Variants in GNA14 observed in about 807,000 individuals in gnomAD.
GNA14 encodes G protein subunit alpha 14.
GNA14 carries 50 observed loss-of-function variants against 42.0 expected under a neutral mutation model. That is an observed-to-expected ratio of 1.19 (90% CI 0.95 to 1.51). The LOEUF is 1.51. Ranked by LOEUF, GNA14 falls within the 40% of genes most tolerant of loss-of-function variation. The probability of loss-of-function intolerance (pLI) is 0.00; values close to 1 mark genes in which losing one functional copy is unlikely to be tolerated. For synonymous variants in GNA14, 173 were observed against 163.1 expected (o/e 1.06, Z -0.46); for missense variants, 473 against 446.2 (o/e 1.06, Z -0.54).
chr9:77,447,449 G>A (rs1835839692), intron 2 of GNA14, among the ~76,000 whole-genome samples: 1 of 152,190 alleles, frequency 6.6e-6, no homozygotes, highest in African/African-American at 2.4e-5. Context: ...CACCAGACAG[G>A]AGGCTGTTAG....
intron 2 of GNA14, among the ~76,000 whole-genome samples, chr9:77,468,261 T>C (rs1325095248): frequency 1.3e-5 from 2 of 152,214 alleles, no homozygotes; most frequent in Admixed American, 1.3e-4. Context: ...TTTTCTTGAA[T>C]AAATGTTTTT....
At chr9:77,481,919 C>CTT (rs1187292228) in intron 2 of GNA14, among the ~76,000 whole-genome samples, 2 of 151,254 alleles carry the variant, frequency 1.3e-5, no homozygotes, top group South Asian at 4.2e-4. Flanking sequence ...TTCCTCCATC[C>CTT]TTTTTTTTTG....
In GNA14 at chr9:77,612,460, T is replaced by C. The variant is rs112845958; in HGVS notation, c.124+35210A>G. On this transcript the variant is annotated intron_variant, in intron 1 of 6. Transcript: ENST00000341700. The stretch of plus-strand genomic sequence containing the variant: ...CCAAACACTTCTCTCAGGGCTCTCA[T>C]GCTCTGTGAGTCTACAATCAGGCAA... Among the ~76,000 whole-genome samples the C allele has an allele frequency of 8.4e-3, 1,279 of 152,270 alleles. 3 individuals are homozygous for C. Among genetic ancestry groups the C allele is most frequent in the African/African-American group, 0.015 (637 of 41,554 alleles).
intron 2 of GNA14, among the ~76,000 whole-genome samples, chr9:77,526,339 T>C (rs747571968): frequency 1.3e-5 from 2 of 152,166 alleles, no homozygotes; most frequent in East Asian, 1.9e-4. Context: ...GACATGAATC[T>C]TGGGGAGCCA....
chr9:77,529,797 C>T lies in GNA14; in HGVS notation c.125-544G>A, dbSNP rs946164545. 3.9e-5 allele frequency among the ~76,000 whole-genome samples: 6 copies of T among 152,124 alleles called. No individual in the cohort carries two copies. The East Asian group carries it at 7.7e-4, about 20-fold the overall frequency. ...CAAAACTCACAACACTTGCACATGG[C>T]GGCCAAGGAACGTGTTACAGTATGA... On this transcript the variant is annotated intron_variant, in intron 1 of 6. Coordinates refer to ENST00000341700, the MANE Select transcript of GNA14 (RefSeq NM_004297.4).
rs1172872010 is a variant in GNA14 at position 77,493,026 on chromosome 9, A to AATATAT, written c.309+36037_309+36042dup. 3.2e-3 allele frequency among the ~76,000 whole-genome samples: 163 copies of AATATAT among 51,676 alleles called. 3 individuals carry two copies. Among genetic ancestry groups the AATATAT allele is most frequent in the Middle Eastern group, 0.012 (1 of 86 alleles). 33.9% of individuals were successfully genotyped at this position (51,676 alleles called of 152,430 possible). On this transcript the variant is annotated intron_variant, in intron 2 of 6. Coordinates refer to ENST00000341700, the MANE Select transcript of GNA14 (RefSeq NM_004297.4). Reference sequence around the variant, plus strand: ...AGGAAAAAAAAAAAAAAAAAAAAAAAATATATATATATATATATATTTGGG... The same window carrying AATATAT: ...AGGAAAAAAAAAAAAAAAAAAAAAAAATATATATATATATATATATATATATTTGGG...
intron 1 of GNA14, among the ~76,000 whole-genome samples, chr9:77,543,841 G>A (rs1178425840): frequency 1.3e-5 from 2 of 152,058 alleles, no homozygotes; most frequent in Non-Finnish European, 2.9e-5. Flanking sequence ...CCTCTCCATG[G>A]AAGAGGTGTG....
chr9:77,522,057 G>C (rs767120810), intron 2 of GNA14, among the ~76,000 whole-genome samples: 1 of 152,110 alleles, frequency 6.6e-6, no homozygotes, highest in Non-Finnish European at 1.5e-5. Flanking sequence ...GGCTGGTCTC[G>C]AATTCCTGAC....
chr9:77,519,074 C>T (rs562612701), intron 2 of GNA14, among the ~76,000 whole-genome samples: 1 of 152,288 alleles, frequency 6.6e-6, no homozygotes, highest in South Asian at 2.1e-4. Context: ...GTCTTAGCTT[C>T]TAATGAATAT....
At chr9:77,575,574 G>A (rs897939933) in intron 1 of GNA14, among the ~76,000 whole-genome samples, 2 of 152,086 alleles carry the variant, frequency 1.3e-5, no homozygotes, top group South Asian at 4.1e-4. Context: ...ACTGATATCG[G>A]TCTCCTATTT....
intron 2 of GNA14, among the ~76,000 whole-genome samples, chr9:77,489,217 TAC>T (rs1482395501): frequency 6.6e-6 from 1 of 150,652 alleles, no homozygotes; most frequent in Non-Finnish European, 1.5e-5. Context: ...GGTGTGAAAA[TAC>T]ACAGTTAGAG....
chr9:77,569,700 T>A (rs1823030834), intron 1 of GNA14, among the ~76,000 whole-genome samples: 1 of 152,012 alleles, frequency 6.6e-6, no homozygotes, highest in Admixed American at 6.6e-5. Flanking sequence ...TCTGCCCCTG[T>A]AAAGTGAAAG....
At chr9:77,616,654 C>G (rs1364055909) in intron 1 of GNA14, among the ~76,000 whole-genome samples, 1 of 152,180 alleles carries the variant, frequency 6.6e-6, no homozygotes, top group Non-Finnish European at 1.5e-5. Context: ...GAAACAGGAC[C>G]TCTTAGCAGT....
chr9:77,472,677 T>C (rs1476571274), intron 2 of GNA14, among the ~76,000 whole-genome samples: 3 of 152,174 alleles, frequency 2.0e-5, no homozygotes, highest in Non-Finnish European at 4.4e-5. Context: ...AGCCCTAATG[T>C]GATGCTTTTG....
intron 2 of GNA14, among the ~76,000 whole-genome samples, chr9:77,503,648 T>G (rs1257130966): frequency 1.4e-5 from 2 of 138,452 alleles, no homozygotes; most frequent in Non-Finnish European, 3.0e-5. Context: ...ACATCAAATT[T>G]CAGGATTTTT....
intron 1 of GNA14, among the ~76,000 whole-genome samples, chr9:77,604,556 GAT>G (rs917607639): frequency 3.3e-5 from 5 of 152,142 alleles, no homozygotes; most frequent in Admixed American, 6.5e-5. Context: ...AACACAGTAA[GAT>G]AAATTCCTCT....
chr9:77,458,087 G>C (rs958353099), intron 2 of GNA14, among the ~76,000 whole-genome samples: 4 of 152,176 alleles, frequency 2.6e-5, no homozygotes, highest in African/African-American at 9.7e-5. Flanking sequence ...CTGGGATCGG[G>C]ATCATAATGA....
chr9:77,593,298 G>A (rs918013754), intron 1 of GNA14, among the ~76,000 whole-genome samples: 1 of 151,476 alleles, frequency 6.6e-6, no homozygotes, highest in East Asian at 1.9e-4. Context: ...AGCTGAAGCT[G>A]TAGTCTGCAT....
chr9:77,464,966 A>G (rs1836196078), intron 2 of GNA14, among the ~76,000 whole-genome samples: 1 of 152,222 alleles, frequency 6.6e-6, no homozygotes, highest in Admixed American at 6.5e-5. Flanking sequence ...ATTGGGGGTT[A>G]CATGGCCACA....
Sources: gnomAD v4.1 joint callset for allele counts (sites outside exome capture counted in the v4.1 genomes callset) on GRCh38, gnomAD v4.1.1 for gene constraint, MANE v1.5 for transcripts, NCBI Gene and HGNC (gene_info 2026-07-23, HGNC 2026-07-21) for gene names.